Variants in PLEKHG4B observed in about 807,000 individuals in gnomAD.
The protein encoded by PLEKHG4B is pleckstrin homology and RhoGEF domain containing G4B.
In PLEKHG4B, 111 loss-of-function variants were observed where a neutral mutation model predicts 121.3. The observed-to-expected ratio is 0.92, with a 90% CI of 0.78 to 1.07. PLEKHG4B has a LOEUF of 1.07. Ranked by LOEUF, PLEKHG4B falls within the 50% of genes least tolerant of loss-of-function variation. PLEKHG4B has a pLI of 0.00. For missense variants in PLEKHG4B, 1,831 were observed against 1,757.8 expected (o/e 1.04, Z -0.74); for synonymous variants, 738 against 725.0 (o/e 1.02, Z -0.29).
Position 189,322 on chromosome 5 carries a change from C to CG in PLEKHG4B, c.*7002dup, listed in dbSNP as rs1324003284. ...TCACCCCGTGTCCACCGCCCATGGC[C>CG]GGGCTCACAGTGTCTCAGAGCCGTG... On this transcript the variant is annotated 3_prime_UTR_variant, in exon 20 of 20. Coordinates refer to ENST00000637938, the MANE Select transcript of PLEKHG4B (RefSeq NM_052909.5). 1 of 152,466 alleles carries CG rather than the reference C, an allele frequency of 6.6e-6. No individual in the cohort carries two copies. Among genetic ancestry groups the CG allele is most frequent in the Non-Finnish European group, 1.5e-5 (1 of 68,226 alleles). The allele number at this position is 152,466 out of a possible 1,614,324, so 9.4% of individuals were successfully genotyped here.
chr5:130,070 TGA>T (rs56219630), intron 2 of PLEKHG4B, among the ~76,000 whole-genome samples: 2 of 130,910 alleles, frequency 1.5e-5, no homozygotes, highest in Non-Finnish European at 1.8e-5. Context: ...GAAGAGAGAG[TGA>T]GAGAGAGAGA....
At chr5:94,466 G>A (rs58033612) in intron 1 of PLEKHG4B, among the ~76,000 whole-genome samples, 4 of 116,982 alleles carry the variant, frequency 3.4e-5, no homozygotes, top group African/African-American at 4.0e-5. Flanking sequence ...GGTAGGCTGG[G>A]ATGAGTGGGT....
chr5:152,398 A>G (rs1735636242), intron 7 of PLEKHG4B, among the ~76,000 whole-genome samples: 1 of 149,038 alleles, frequency 6.7e-6, no homozygotes, highest in East Asian at 2.0e-4. Flanking sequence ...TTTTTAAGAG[A>G]CAGGTTCTTG....
chr5:166,685 G>C (rs966914807), intron 13 of PLEKHG4B, among the ~76,000 whole-genome samples: 11 of 152,160 alleles, frequency 7.2e-5, no homozygotes, highest in Admixed American at 6.5e-4. Context: ...ATGGGTACCA[G>C]TCGGTGGCCC....
intron 1 of PLEKHG4B, among the ~76,000 whole-genome samples, chr5:110,379 CCACA>C (rs1405993503): frequency 2.0e-5 from 3 of 149,732 alleles, no homozygotes; most frequent in African/African-American, 7.4e-5. Context: ...ATGCACACAT[CCACA>C]CAATCTGCAA....
Position 140,584 on chromosome 5 carries a change from G to C in PLEKHG4B, c.1345G>C (p.Gly449Arg). 1 of 1,609,670 alleles carries C rather than the reference G, an allele frequency of 6.2e-7. No homozygotes were observed. Among genetic ancestry groups the C allele is most frequent in the South Asian group, 1.1e-5 (1 of 90,708 alleles). The change falls in exon 3 of 20, where the codon GGG becomes CGG. Residue 449 changes from glycine (G) to arginine (R), a missense_variant. Gly to Arg is a moderately radical substitution (Grantham distance 125). Coordinates refer to ENST00000637938, the MANE Select transcript of PLEKHG4B (RefSeq NM_052909.5). ...GGAAAGGGCACCCAGAAGCTCCAGA[G>C]GGGCCCAGGCTGCAGCCTGCCACAC... The part of the protein sequence containing the change: ...SWERAPRSSR[G>R]AQAAACHTSH...
Position 171,365 on chromosome 5 carries a change from G to A in PLEKHG4B, c.3971G>A (p.Arg1324Gln), listed in dbSNP as rs151048083. The A allele has an allele frequency of 1.1e-5, 18 of 1,611,630 alleles. No individual in the cohort carries two copies. Among genetic ancestry groups the A allele is most frequent in the Admixed American group, 3.3e-5 (2 of 59,982 alleles). The change falls in exon 16 of 20, where the codon CGA (arginine) becomes CAA (glutamine). Residue 1324 changes from arginine (R) to glutamine (Q), a missense_variant. Coordinates refer to ENST00000637938, the MANE Select transcript of PLEKHG4B (RefSeq NM_052909.5). ...CAGGGGCAGGAGCTGGGCGAGCTCC[G>A]AGCCGCCGAGGTCGTGGTCTGCTTC... ...LAQGQELGEL[R>Q]AAEVVVCFQL...
At chr5:142,228 C>T (rs1269178881) in intron 3 of PLEKHG4B, among the ~76,000 whole-genome samples, 1 of 152,182 alleles carries the variant, frequency 6.6e-6, no homozygotes, top group African/African-American at 2.4e-5. Context: ...AGCCCCTCAC[C>T]TTTCCTTTGT....
intron 6 of PLEKHG4B, among the ~76,000 whole-genome samples, chr5:151,152 C>G (rs77939188): frequency 0.038 from 5,736 of 152,224 alleles, 134 homozygotes; most frequent in Admixed American, 0.075. Flanking sequence ...TTGCCAGGGG[C>G]TGGGCATAGG....
At chr5:180,461 C>T (rs1433269018) in intron 18 of PLEKHG4B, among the ~76,000 whole-genome samples, 1 of 152,176 alleles carries the variant, frequency 6.6e-6, no homozygotes, top group African/African-American at 2.4e-5. Context: ...CCAAGATGAG[C>T]TCTCTGCTCA....
Position 156,733 on chromosome 5 carries a change from G to T in PLEKHG4B, c.2349-40G>T. 6.5e-7 allele frequency: 1 copy of T among 1,528,424 alleles called. No individual in the cohort carries two copies. Among genetic ancestry groups the T allele is most frequent in the Non-Finnish European group, 8.8e-7 (1 of 1,133,028 alleles). The allele number at this position is 1,528,424 out of a possible 1,614,324, so 94.7% of individuals were successfully genotyped here. ...TGTCACCAAGAGCAGATTCCTCAAG[G>T]GGCCGCCTGGAAGCCTGAGGACTGC... On this transcript the variant is annotated intron_variant, in intron 10 of 19. Transcript: ENST00000637938. The surrounding 1 kb of genome is among the most constrained non-coding windows in gnomAD (Gnocchi z 4.4).
Position 186,788 on chromosome 5 carries a change from C to T in PLEKHG4B, c.*4465C>T, listed in dbSNP as rs1312856052. Reference sequence around the variant, plus strand: ...CCTGAGCAATCCTGGGTGGTGAGCTCCACCACTCCCACCCACGCCTCAGCA... The same window carrying T: ...CCTGAGCAATCCTGGGTGGTGAGCTTCACCACTCCCACCCACGCCTCAGCA... On this transcript the variant is annotated 3_prime_UTR_variant, in exon 20 of 20. Transcript: ENST00000637938. 1 of 152,318 alleles carries T rather than the reference C, an allele frequency of 6.6e-6. No homozygotes were observed. Among genetic ancestry groups the T allele is most frequent in the Non-Finnish European group, 1.5e-5 (1 of 68,150 alleles). The allele number at this position is 152,318 out of a possible 1,614,324, so 9.4% of individuals were successfully genotyped here.
Position 171,444 on chromosome 5 carries a change from C to A in PLEKHG4B, c.4050C>A (p.Asp1350Glu). ...LLAMDAIRGC[D>E]VNLKEQGQLR... ...CCATGGACGCCATCCGCGGCTGTGA[C>A]GTAAGTGCCTCAGACGCTGGCAGCT... The change falls in exon 16 of 20, where the codon GAC (aspartate) becomes GAA (glutamate). Residue 1350 changes from aspartate to glutamate, a missense_variant and splice_region_variant. Physicochemically the swap from Asp to Glu is conservative, Grantham distance 45 (BLOSUM62 2). Transcript: ENST00000637938. 6.3e-7 allele frequency: 1 copy of A among 1,587,730 alleles called. No individual in the cohort carries two copies. The highest frequency in any genetic ancestry group is 8.6e-7 in the Non-Finnish European group (1 of 1,169,316).
chr5:132,870 G>C (rs546199888), intron 2 of PLEKHG4B, among the ~76,000 whole-genome samples: 2 of 152,106 alleles, frequency 1.3e-5, no homozygotes, highest in Non-Finnish European at 2.9e-5. Flanking sequence ...TGCTTTGGCT[G>C]TGTGGGGTCT....
At chr5:149,820 T>A (rs942930474) in intron 6 of PLEKHG4B, among the ~76,000 whole-genome samples, 1 of 152,172 alleles carries the variant, frequency 6.6e-6, no homozygotes, top group Non-Finnish European at 1.5e-5. Flanking sequence ...AAAACCTCAA[T>A]TAAATACCAC....
Position 154,961 on chromosome 5 carries a change from C to A in PLEKHG4B, c.2079C>A (p.Tyr693Ter). ...LTADLDGSFP[Y>*]SHGDWICFRQ... The stretch of plus-strand genomic sequence containing the variant: ...CAGACCTCGACGGCTCCTTTCCCTA[C>A]AGCCATGGTGACTGGATCTGCTTCC... Residue 693 changes from tyrosine (Y) to a stop codon, truncating the protein, a stop_gained, in exon 8 of 20, where the codon TAC (tyrosine) becomes TAA (stop). Transcript: ENST00000637938. LOFTEE classifies it high-confidence loss of function. 1 of 1,613,472 alleles carries A rather than the reference C, an allele frequency of 6.2e-7. No individual in the cohort carries two copies. Among genetic ancestry groups the A allele is most frequent in the Non-Finnish European group, 8.5e-7 (1 of 1,180,022 alleles).
chr5:152,421 G>C (rs1230263842), intron 7 of PLEKHG4B, among the ~76,000 whole-genome samples: 4 of 151,612 alleles, frequency 2.6e-5, no homozygotes, highest in Non-Finnish European at 5.9e-5. Context: ...ATGTTGCCTA[G>C]GCTGGAATCG....
chr5:110,458 C>G (rs1318511019), intron 1 of PLEKHG4B, among the ~76,000 whole-genome samples: 1 of 148,808 alleles, frequency 6.7e-6, no homozygotes, highest in Non-Finnish European at 1.5e-5. Context: ...CTGCAACACA[C>G]GTGCACACAT....
In PLEKHG4B at chr5:137,171, G is replaced by A. The variant is rs970848288; in HGVS notation, c.244-2312G>A. ...AATGGATAGGAGCCAGTACTGGAAG[G>A]ACAAATGTTGGATGATTCCACTTGT... On this transcript the variant is annotated intron_variant, in intron 2 of 19. Coordinates refer to ENST00000637938, the MANE Select transcript of PLEKHG4B (RefSeq NM_052909.5). The surrounding 1 kb of genome is among the most constrained non-coding windows in gnomAD (Gnocchi z 4.2). Among the ~76,000 whole-genome samples the A allele has an allele frequency of 3.3e-5, 5 of 152,196 alleles. No homozygotes were observed. Among genetic ancestry groups the A allele is most frequent in the Admixed American group, 6.5e-5 (1 of 15,286 alleles).
Sources: allele counts gnomAD v4.1 joint callset (sites outside exome capture counted in the v4.1 genomes callset), GRCh38; gene constraint gnomAD v4.1.1; non-coding constraint Gnocchi (gnomAD v3.1); transcripts MANE v1.5; gene names NCBI Gene and HGNC (gene_info 2026-07-23, HGNC 2026-07-21).